PCDHGA5: variants seen among roughly 807,000 people sequenced by gnomAD.
PCDHGA5 encodes the protein protocadherin gamma-A5.
PCDHGA5 carries 36 observed loss-of-function variants against 56.7 expected under a neutral mutation model. That is an observed-to-expected ratio of 0.64 (90% CI 0.49 to 0.84). PCDHGA5 has a LOEUF of 0.84. Ranked by LOEUF, PCDHGA5 falls within the 40% of genes least tolerant of loss-of-function variation. The probability of loss-of-function intolerance (pLI) is 0.00; values close to 1 mark genes in which losing one functional copy is unlikely to be tolerated. For synonymous variants in PCDHGA5, 563 were observed against 520.2 expected (o/e 1.08, Z -1.12); for missense variants, 1,305 against 1,201.5 (o/e 1.09, Z -1.27).
At position 141,366,399 on chromosome 5, in the gene PCDHGA5, C is replaced by T; in HGVS notation, c.2069C>T (p.Thr690Ile). The T allele has an allele frequency of 6.2e-7, 1 of 1,614,192 alleles. No individual in the cohort carries two copies. Among genetic ancestry groups the T allele is most frequent in the Non-Finnish European group, 8.5e-7 (1 of 1,180,044 alleles). The change falls in exon 1 of 4, where the codon ACA (threonine) becomes ATA (isoleucine). Residue 690 changes from threonine (T) to isoleucine (I), a missense_variant. By Grantham distance (89) the Thr-to-Ile change is moderately conservative. Coordinates refer to ENST00000518069, the MANE Select transcript of PCDHGA5 (RefSeq NM_018918.3). ...TPIDPEDLDLTLYLVVAVAAV... is the reference protein window; with the variant it reads ...TPIDPEDLDLILYLVVAVAAV... Reference sequence around the variant, plus strand: ...ATTGACCCTGAGGATCTGGACCTCACACTCTATCTTGTGGTGGCAGTGGCT... The same window carrying T: ...ATTGACCCTGAGGATCTGGACCTCATACTCTATCTTGTGGTGGCAGTGGCT...
chr5:141,382,017 C>T (rs1288762588), intron 1 of PCDHGA5, among the ~76,000 whole-genome samples: 2 of 151,562 alleles, frequency 1.3e-5, no homozygotes, highest in African/African-American at 2.4e-5. Flanking sequence ...TTAGTAGAGA[C>T]GGGGTTTCTC....
Position 141,365,152 on chromosome 5 carries a change from CG to C in PCDHGA5, c.825del (p.Lys276AsnfsTer2). ...TATDPDEGIN[G>X]KLTYSFRNEE... is the part of the protein sequence containing the mutation. ...CCACGGATCCAGATGAGGGAATAAA[CG>C]GGAAATTGACCTACTCTTTTCGCAA... is the stretch of plus-strand genomic sequence containing the variant. On this transcript the variant is annotated frameshift_variant, in exon 1 of 4. Transcript: ENST00000518069. LOFTEE classifies it high-confidence loss of function. The C allele has an allele frequency of 6.2e-7, 1 of 1,613,880 alleles. No individual in the cohort carries two copies. Among genetic ancestry groups the C allele is most frequent in the South Asian group, 1.1e-5 (1 of 91,080 alleles).
In PCDHGA5 at chr5:141,431,464, G is replaced by C. The variant is rs1413324509; in HGVS notation, c.2422-63343G>C. On this transcript the variant is annotated intron_variant, in intron 1 of 3. Coordinates refer to ENST00000518069, the MANE Select transcript of PCDHGA5 (RefSeq NM_018918.3). This position sits in a 1 kb window ranked among gnomAD's most constrained non-coding sequence, Gnocchi z 4.8. ...GCATCCGCGTGATGGTTCTGGATGCGAACGACAACGCACCAGCGTTTGCTC... is the reference window on the plus strand; with the variant it reads ...GCATCCGCGTGATGGTTCTGGATGCCAACGACAACGCACCAGCGTTTGCTC... The C allele has an allele frequency of 6.2e-7, 1 of 1,613,664 alleles. No individual in the cohort carries two copies. Among genetic ancestry groups the C allele is most frequent in the African/African-American group, 1.3e-5 (1 of 74,950 alleles).
chr5:141,394,654 C>T lies in PCDHGA5; in HGVS notation c.2421+27903C>T. ...TACCGCCTGCTCAAGGCCAGCGAGCCGGGACTCTTCTCGGTGGGTCTGCAC... is the reference window on the plus strand; with the variant it reads ...TACCGCCTGCTCAAGGCCAGCGAGCTGGGACTCTTCTCGGTGGGTCTGCAC... On this transcript the variant is annotated intron_variant, in intron 1 of 3. Coordinates refer to ENST00000518069, the MANE Select transcript of PCDHGA5 (RefSeq NM_018918.3). 1.9e-6 allele frequency: 3 copies of T among 1,613,236 alleles called. No homozygotes were observed. Among genetic ancestry groups the T allele is most frequent in the Non-Finnish European group, 2.5e-6 (3 of 1,179,928 alleles).
At chr5:141,480,859 A>G (rs1197372110) in intron 1 of PCDHGA5, among the ~76,000 whole-genome samples, 2 of 152,178 alleles carry the variant, frequency 1.3e-5, no homozygotes, top group Non-Finnish European at 2.9e-5. Context: ...AGCCTGGCCA[A>G]TATGGTGAAA....
Position 141,511,400 on chromosome 5 carries a change from T to C in PCDHGA5, c.*227T>C. The C allele has an allele frequency of 2.0e-6, 2 of 982,250 alleles. No individual in the cohort carries two copies. Among genetic ancestry groups the C allele is most frequent in the Non-Finnish European group, 2.9e-6 (2 of 688,054 alleles). The allele number at this position is 982,250 out of a possible 1,614,324, so 60.8% of individuals were successfully genotyped here. On this transcript the variant is annotated 3_prime_UTR_variant, in exon 4 of 4. Coordinates refer to ENST00000518069, the MANE Select transcript of PCDHGA5 (RefSeq NM_018918.3). ...AGTTCCGCTGGGAACCCCCATCCAA[T>C]CAACTGCTGTACCCATGGGGGTAGT...
intron 1 of PCDHGA5, among the ~76,000 whole-genome samples, chr5:141,460,628 G>C (rs2098993821): frequency 6.6e-6 from 1 of 151,958 alleles, no homozygotes; most frequent in African/African-American, 2.4e-5. Flanking sequence ...GACAGATACA[G>C]ATATATAACT....
chr5:141,382,965 C>T, intron 1 of PCDHGA5: 1 of 1,608,730 alleles, frequency 6.2e-7, no homozygotes, highest in East Asian at 2.2e-5. Flanking sequence ...TCCTGGGGAC[C>T]CCCTGGGAAG....
At chr5:141,498,921 AG>A (rs1289139995) in intron 2 of PCDHGA5, among the ~76,000 whole-genome samples, 1 of 140,074 alleles carries the variant, frequency 7.1e-6, no homozygotes, top group Non-Finnish European at 1.6e-5. Flanking sequence ...TGACAGAGCG[AG>A]ACTCCATCAG....
Position 141,393,095 on chromosome 5 carries a change from G to A in PCDHGA5, c.2421+26344G>A, listed in dbSNP as rs1057103671. On this transcript the variant is annotated intron_variant, in intron 1 of 3. Transcript: ENST00000518069. ...CCGCGGGCAGGATAGATCGGGAGGA[G>A]CTCTGCGCTCAGAGCCCGCGGTGTC... The A allele has an allele frequency of 3.1e-6, 5 of 1,613,520 alleles. No homozygotes were observed. The East Asian group carries it at 8.9e-5, about 29-fold the overall frequency.
At chr5:141,484,404 G>C (rs1333849091) in intron 1 of PCDHGA5, among the ~76,000 whole-genome samples, 3 of 152,174 alleles carry the variant, frequency 2.0e-5, no homozygotes, top group Non-Finnish European at 4.4e-5. Flanking sequence ...GGTTTCCGCT[G>C]TGTCTCCTGT....
chr5:141,404,681 C>T, intron 1 of PCDHGA5: 1 of 1,614,092 alleles, frequency 6.2e-7, no homozygotes, highest in Non-Finnish European at 8.5e-7. Context: ...TGGTGTGGAG[C>T]TGGCACCCCG....
At chr5:141,508,903 G>A (rs1410291297) in intron 3 of PCDHGA5, among the ~76,000 whole-genome samples, 1 of 152,086 alleles carries the variant, frequency 6.6e-6, no homozygotes, top group East Asian at 1.9e-4. Flanking sequence ...GGGCGGGGCG[G>A]TGGCGGATCT....
In PCDHGA5 at chr5:141,375,962, C is replaced by A. The variant is rs763635174; in HGVS notation, c.2421+9211C>A. 4 of 1,613,344 alleles carry A rather than the reference C, an allele frequency of 2.5e-6. No homozygotes were observed. The South Asian group carries it at 3.3e-5, about 13-fold the overall frequency. On this transcript the variant is annotated intron_variant, in intron 1 of 3. Coordinates refer to ENST00000518069, the MANE Select transcript of PCDHGA5 (RefSeq NM_018918.3). Reference sequence around the variant, plus strand: ...AGTGGGCCTGCACACGGGCGAGGTGCGCACGGCGCGCGCCCTGCTGGACAG... The same window carrying A: ...AGTGGGCCTGCACACGGGCGAGGTGAGCACGGCGCGCGCCCTGCTGGACAG...
At chr5:141,409,712 T>C (rs1049603081) in intron 1 of PCDHGA5, 5 of 1,613,122 alleles carry the variant, frequency 3.1e-6, no homozygotes, top group Non-Finnish European at 4.2e-6. Flanking sequence ...GGTGTCGTCA[T>C]ACGTGTCAGT....
At chr5:141,369,990 A>G (rs773924073) in intron 1 of PCDHGA5, among the ~76,000 whole-genome samples, 2 of 152,236 alleles carry the variant, frequency 1.3e-5, no homozygotes, top group Non-Finnish European at 2.9e-5. Context: ...TTGGATGGAT[A>G]AAGCTCAAAT....
intron 1 of PCDHGA5, chr5:141,402,829 T>C: frequency 7.5e-7 from 1 of 1,342,036 alleles, no homozygotes; most frequent in Non-Finnish European, 9.8e-7. Flanking sequence ...GCTCCCAGGC[T>C]GCAGCAAAAC....
At chr5:141,398,850 A>G in intron 1 of PCDHGA5, 20 of 1,613,982 alleles carry the variant, frequency 1.2e-5, no homozygotes, top group Non-Finnish European at 1.6e-5. Flanking sequence ...ATCCCCCGGT[A>G]TTCAACCGAG....
At chr5:141,504,476 A>G (rs998883721) in intron 2 of PCDHGA5, among the ~76,000 whole-genome samples, 4 of 152,016 alleles carry the variant, frequency 2.6e-5, no homozygotes, top group African/African-American at 9.7e-5. Context: ...GGATGGGAGT[A>G]CAGTGGAGGC....
Sources: allele counts gnomAD v4.1 joint callset (sites outside exome capture counted in the v4.1 genomes callset), GRCh38; gene constraint gnomAD v4.1.1; non-coding constraint Gnocchi (gnomAD v3.1); transcripts MANE v1.5; gene names NCBI Gene and HGNC (gene_info 2026-07-23, HGNC 2026-07-21).